TOM1: variants seen among roughly 807,000 people sequenced by gnomAD.
The protein encoded by TOM1 is target of Myb protein 1.
In TOM1, 38 loss-of-function variants were observed where a neutral mutation model predicts 61.3. The ratio of observed to expected loss-of-function variants is 0.62; its 90% CI spans 0.48 to 0.81. The LOEUF is 0.81. TOM1 is among the 40% of genes least tolerant of loss of function. The pLI, the probability that TOM1 is intolerant of heterozygous loss-of-function variation, is 0.00. For synonymous variants in TOM1, 270 were observed against 268.8 expected (o/e 1.00, Z -0.04); for missense variants, 591 against 659.6 (o/e 0.90, Z 1.14).
intron 9 of TOM1, 90 bp from the exon 10 acceptor site, chr22:35,333,314 T>C (rs1928998257): frequency 8.0e-7 from 1 of 1,251,756 alleles, no homozygotes; most frequent in Non-Finnish European, 1.2e-6. Context: ...GACAGATCCC[T>C]GGGCAAAGCC....
intron 3 of TOM1, chr22:35,322,484 A>G (rs1295551843): frequency 5.3e-6 from 1 of 190,168 alleles, no homozygotes; most frequent in East Asian, 1.5e-4. Context: ...GGGCGGCCAG[A>G]CACACGTGGG....
chr22:35,343,711 A>C (rs1930213867), intron 12 of TOM1, among the ~76,000 whole-genome samples: 1 of 96,424 alleles, frequency 1.0e-5, no homozygotes, highest in African/African-American at 3.7e-5. Context: ...ACCTACACAC[A>C]CACCACACAC....
In TOM1 at chr22:35,347,132, C is replaced by T. The variant is rs998089317; in HGVS notation, c.1402C>T (p.Pro468Ser). ...CCTCTCCAGCCCCTCAGCTGAGGGG[C>T]CCCCGGGTCCCCCATCTGGCCCAGC... ...PNLSSPSAEGPPGPPSGPAPR... is the reference protein window; with the variant it reads ...PNLSSPSAEGSPGPPSGPAPR... The change falls in exon 15 of 15, where the codon CCC becomes TCC. Residue 468 changes from proline to serine, a missense_variant. Physicochemically the swap from Pro to Ser is moderately conservative, Grantham distance 74. Coordinates refer to ENST00000449058, the MANE Select transcript of TOM1 (RefSeq NM_005488.3). The T allele has an allele frequency of 1.2e-6, 2 of 1,611,860 alleles. No homozygotes were observed. The highest frequency in any genetic ancestry group is 2.7e-5 in the African/African-American group (2 of 74,840).
intron 1 of TOM1, among the ~76,000 whole-genome samples, chr22:35,308,977 G>A (rs546256436): frequency 3.3e-5 from 5 of 152,088 alleles, no homozygotes; most frequent in African/African-American, 9.7e-5. Flanking sequence ...AACTTTCCAC[G>A]CTGGGTCTGG....
chr22:35,302,330 C>CTTT (rs138734), intron 1 of TOM1, among the ~76,000 whole-genome samples: 45 of 70,912 alleles, frequency 6.3e-4, no homozygotes, highest in African/African-American at 1.8e-3. Context: ...TTTTCTTTTT[C>CTTT]TTTTTTTTTT....
intron 12 of TOM1, among the ~76,000 whole-genome samples, chr22:35,340,958 C>T (rs980477178): frequency 1.3e-5 from 2 of 152,202 alleles, no homozygotes; most frequent in Admixed American, 1.3e-4. Context: ...CTCTACCACC[C>T]AGTGGGCAAC....
At chr22:35,302,242 G>A (rs1925863939) in intron 1 of TOM1, among the ~76,000 whole-genome samples, 1 of 151,588 alleles carries the variant, frequency 6.6e-6, no homozygotes, top group Non-Finnish European at 1.5e-5. Context: ...TAATGTCGGG[G>A]CCCCAACCCC....
chr22:35,338,967 G>T (rs1929633997), intron 12 of TOM1, among the ~76,000 whole-genome samples, 179 bp downstream of exon 12: 1 of 152,220 alleles, frequency 6.6e-6, no homozygotes, highest in African/African-American at 2.4e-5. Context: ...TATAGCTATG[G>T]AAACTGCTAG....
At chr22:35,343,740 CCTA>C (rs756421009) in intron 12 of TOM1, among the ~76,000 whole-genome samples, 6 of 148,492 alleles carry the variant, frequency 4.0e-5, no homozygotes, top group Non-Finnish European at 8.9e-5. Flanking sequence ...ACCCACCACA[CCTA>C]CACACACACC....
At chr22:35,305,654 A>G (rs1261022604) in intron 1 of TOM1, among the ~76,000 whole-genome samples, 6 of 106,388 alleles carry the variant, frequency 5.6e-5, no homozygotes, top group Admixed American at 9.8e-5. Flanking sequence ...GTGAGACTCA[A>G]TCTCAAAAAA....
At chr22:35,343,555 A>C (rs1601718467) in intron 12 of TOM1, among the ~76,000 whole-genome samples, 5 of 97,634 alleles carry the variant, frequency 5.1e-5, no homozygotes, top group Admixed American at 2.2e-4. Context: ...CACCACACAC[A>C]CCTACACACA....
chr22:35,334,636 C>T (rs934011827), intron 11 of TOM1, among the ~76,000 whole-genome samples, 188 bp downstream of exon 11: 2 of 152,188 alleles, frequency 1.3e-5, no homozygotes, highest in African/African-American at 4.8e-5. Context: ...GACTGCGCTC[C>T]CCACAGGCCA....
Position 35,323,513 on chromosome 22 carries a change from C to T in TOM1, c.384C>T (p.Phe128=), listed in dbSNP as rs1928029668. Residue 128 remains phenylalanine (F), a synonymous_variant, in exon 5 of 15, where the codon TTC becomes TTT. Coordinates refer to ENST00000449058, the MANE Select transcript of TOM1 (RefSeq NM_005488.3). The surrounding 1 kb of genome is among the most constrained non-coding windows in gnomAD (Gnocchi z 4.2). ...CCTCTCAGTCCTGGGCTGACGCGTT[C>T]CGCAGCTCGCCCGATCTGACAGGTG... ...LNLIQSWADA[F]RSSPDLTGVV... 6.2e-7 allele frequency: 1 copy of T among 1,614,038 alleles called. No individual in the cohort carries two copies. Among genetic ancestry groups the T allele is most frequent in the Non-Finnish European group, 8.5e-7 (1 of 1,180,044 alleles).
chr22:35,304,293 G>A (rs1601660294), intron 1 of TOM1, among the ~76,000 whole-genome samples: 1 of 152,206 alleles, frequency 6.6e-6, no homozygotes, highest in African/African-American at 2.4e-5. Context: ...ATGTACATGG[G>A]TCTCACACTT....
At chr22:35,331,897 A>AG (rs1403899511) in intron 8 of TOM1, among the ~76,000 whole-genome samples, 2 of 152,136 alleles carry the variant, frequency 1.3e-5, no homozygotes, top group African/African-American at 4.8e-5. Flanking sequence ...CAAAAAAAAA[A>AG]AGGAAAGAGA....
At chr22:35,308,430 C>T (rs1329747874) in intron 1 of TOM1, among the ~76,000 whole-genome samples, 5 of 151,940 alleles carry the variant, frequency 3.3e-5, no homozygotes, top group African/African-American at 7.3e-5. Flanking sequence ...ACTACAGGCG[C>T]GTGCCACCAC....
chr22:35,343,032 ACCT>A lies in TOM1; in HGVS notation c.1225-2690_1225-2688del, dbSNP rs1327124709. On this transcript the variant is annotated intron_variant, in intron 12 of 14. Transcript: ENST00000449058. ...ACACACATCTACACCCACCACACAC[ACCT>A]CCACACACCACACCTCCACTCATAC... is the stretch of plus-strand genomic sequence containing the variant. 6.1e-5 allele frequency among the ~76,000 whole-genome samples: 7 copies of A among 114,560 alleles called. No individual in the cohort carries two copies. In the East Asian group the frequency reaches 1.6e-3, roughly 27 times the overall value. 75.2% of individuals were successfully genotyped at this position (114,560 alleles called of 152,430 possible).
At chr22:35,304,438 A>G (rs1477765434) in intron 1 of TOM1, among the ~76,000 whole-genome samples, 1 of 152,018 alleles carries the variant, frequency 6.6e-6, no homozygotes. Context: ...CCCTTTCCAG[A>G]TATTCTCTGC....
chr22:35,326,724 C>T (rs1273537728), intron 6 of TOM1, among the ~76,000 whole-genome samples: 3 of 148,516 alleles, frequency 2.0e-5, no homozygotes, highest in Non-Finnish European at 4.5e-5. Context: ...GGAGAGAGGG[C>T]GGGATCCCAG....
Sources: allele counts gnomAD v4.1 joint callset (sites outside exome capture counted in the v4.1 genomes callset), GRCh38; gene constraint gnomAD v4.1.1; non-coding constraint Gnocchi (gnomAD v3.1); transcripts MANE v1.5; gene names NCBI Gene and HGNC (gene_info 2026-07-23, HGNC 2026-07-21).